RERE: variants seen among roughly 807,000 people sequenced by gnomAD.
RERE encodes arginine-glutamic acid dipeptide repeats protein.
A neutral mutation model predicts 146.1 loss-of-function variants in RERE; 40 were observed. The observed-to-expected ratio is 0.27, with a 90% CI of 0.21 to 0.36. RERE has a LOEUF of 0.36. RERE is among the 10% of genes least tolerant of loss of function. The pLI is 1.00. For synonymous variants in RERE, 1,003 were observed against 866.0 expected (o/e 1.16, Z -2.78); for missense variants, 1,933 against 2,138.7 (o/e 0.90, Z 1.90).
chr1:8,617,372 C>T lies in RERE; in HGVS notation c.397-2686G>A, dbSNP rs1369068463. On this transcript the variant is annotated intron_variant, in intron 3 of 22. Coordinates refer to ENST00000400908, the MANE Select transcript of RERE (RefSeq NM_001042681.2). ...AAAAAAAAAAAGAATTCCATCCTAC[C>T]TCTTAACTCTTAAAGAATTAAACAA... is the stretch of plus-strand genomic sequence containing the variant. Among the ~76,000 whole-genome samples the T allele has an allele frequency of 2.7e-5, 3 of 112,210 alleles. No homozygotes were observed. The South Asian group carries it at 8.0e-4, about 30-fold the overall frequency. The allele number at this position is 112,210 out of a possible 152,430, so 73.6% of individuals were successfully genotyped here.
intron 1 of RERE, among the ~76,000 whole-genome samples, chr1:8,800,365 T>C (rs530745243): frequency 6.6e-6 from 1 of 152,300 alleles, no homozygotes; most frequent in Admixed American, 6.5e-5. Context: ...TTTTATTATT[T>C]AAATGTGTTT....
At chr1:8,404,547 T>C (rs1643384874) in intron 12 of RERE, among the ~76,000 whole-genome samples, 1 of 152,208 alleles carries the variant, frequency 6.6e-6, no homozygotes, top group Non-Finnish European at 1.5e-5. Context: ...TTCGTGAGCC[T>C]GGCCAAAATC....
At chr1:8,612,724 C>T (rs985427446) in intron 4 of RERE, among the ~76,000 whole-genome samples, 1 of 151,990 alleles carries the variant, frequency 6.6e-6, no homozygotes, top group African/African-American at 2.4e-5. Context: ...GAAAGTAAAA[C>T]CTACTTTTTA....
At chr1:8,789,402 CCT>C (rs1253239613) in intron 1 of RERE, among the ~76,000 whole-genome samples, 2 of 148,752 alleles carry the variant, frequency 1.3e-5, no homozygotes, top group Admixed American at 6.8e-5. Context: ...GTGGCTACTA[CCT>C]CTCTTTCCTT....
At chr1:8,730,404 G>A (rs756539437) in intron 1 of RERE, among the ~76,000 whole-genome samples, 5 of 152,074 alleles carry the variant, frequency 3.3e-5, no homozygotes, top group Non-Finnish European at 5.9e-5. Context: ...GTGCAGTGGC[G>A]CGATCTCGGC....
intron 1 of RERE, among the ~76,000 whole-genome samples, chr1:8,746,732 G>C (rs770173483): frequency 6.6e-6 from 1 of 151,020 alleles, no homozygotes; most frequent in Non-Finnish European, 1.5e-5. Flanking sequence ...AGTTATAAGA[G>C]GACACCTGGC....
chr1:8,385,993 A>AAAAAATAT (rs1553159741), intron 12 of RERE, among the ~76,000 whole-genome samples: 2 of 26,480 alleles, frequency 7.6e-5, no homozygotes, highest in Non-Finnish European at 1.4e-4. Context: ...AAAAAAAAAA[A>AAAAAATAT]ATATATATAT....
intron 4 of RERE, among the ~76,000 whole-genome samples, chr1:8,568,626 A>G (rs1646180583): frequency 6.6e-6 from 1 of 152,166 alleles, no homozygotes; most frequent in African/African-American, 2.4e-5. Flanking sequence ...ACATTATGGC[A>G]CAGCACAAAG....
intron 1 of RERE, among the ~76,000 whole-genome samples, chr1:8,742,247 G>A (rs979260937): frequency 1.3e-5 from 2 of 152,124 alleles, no homozygotes; most frequent in Admixed American, 1.3e-4. Context: ...GAGTCATTAT[G>A]CAATGCAAAC....
rs372847629 is a variant in RERE, at chr1:8,361,435, C to T, written c.2072G>A (p.Arg691His). The change falls in exon 18 of 23, where the codon CGC (arginine) becomes CAC (histidine). Residue 691 changes from arginine (R) to histidine (H), a missense_variant. Physicochemically the swap from Arg to His is conservative, Grantham distance 29. Transcript: ENST00000400908. ...SEGEGESSDS[R>H]SVNDEGSSDP... The stretch of plus-strand genomic sequence containing the variant: ...ACTGCTACCCTCATCGTTGACGCTG[C>T]GACTGTCTGAACTCTCTCCCTCACC... 7.1e-5 allele frequency: 115 copies of T among 1,613,600 alleles called. No individual in the cohort carries two copies. Among genetic ancestry groups the T allele is most frequent in the Non-Finnish European group, 8.6e-5 (101 of 1,179,962 alleles).
chr1:8,708,957 G>T (rs569611909), intron 1 of RERE, among the ~76,000 whole-genome samples: 2 of 124,976 alleles, frequency 1.6e-5, no homozygotes, highest in Non-Finnish European at 3.2e-5. Context: ...CTGTCGCCCA[G>T]GTTGGAGTGC....
Position 8,364,634 on chromosome 1 carries a change from T to G in RERE, c.1540+112A>C. On this transcript the variant is annotated intron_variant, in intron 14 of 22. Coordinates refer to ENST00000400908, the MANE Select transcript of RERE (RefSeq NM_001042681.2). The surrounding 1 kb of genome is among the most constrained non-coding windows in gnomAD (Gnocchi z 5.1). Reference sequence around the variant, plus strand: ...CTCGAATCCCGAAGCACAATGCAAATGTCAAATCAAGTACTGTCCCTGGCA... The same window carrying G: ...CTCGAATCCCGAAGCACAATGCAAAGGTCAAATCAAGTACTGTCCCTGGCA... 1.3e-6 allele frequency: 1 copy of G among 765,708 alleles called. No individual in the cohort carries two copies. Among genetic ancestry groups the G allele is most frequent in the Non-Finnish European group, 2.3e-6 (1 of 438,302 alleles). 47.4% of individuals were successfully genotyped at this position (765,708 alleles called of 1,614,324 possible).
intron 11 of RERE, among the ~76,000 whole-genome samples, chr1:8,456,041 T>C (rs1644449348): frequency 6.6e-6 from 1 of 152,118 alleles, no homozygotes; most frequent in Non-Finnish European, 1.5e-5. Context: ...CCTCCAGACA[T>C]TAAGAATAAT....
At chr1:8,696,125 T>C (rs545725074) in intron 1 of RERE, among the ~76,000 whole-genome samples, 5 of 152,294 alleles carry the variant, frequency 3.3e-5, no homozygotes, top group South Asian at 2.1e-4. Context: ...TTATACACTG[T>C]TGGTGGGAAC....
chr1:8,510,143 GA>G lies in RERE; in HGVS notation c.831-1469del, dbSNP rs566328900. 1.7e-3 allele frequency among the ~76,000 whole-genome samples: 262 copies of G among 152,252 alleles called. 1 individual carries two copies. The highest frequency in any genetic ancestry group is 5.1e-3 in the African/African-American group (210 of 41,552). On this transcript the variant is annotated intron_variant, in intron 7 of 22. Coordinates refer to ENST00000400908, the MANE Select transcript of RERE (RefSeq NM_001042681.2). Reference sequence around the variant, plus strand: ...AGAAATGTGGTGGCCCAGTCATCAAGAATCTTACAAGCCTCCAGCTGGCGAG... The same window carrying G: ...AGAAATGTGGTGGCCCAGTCATCAAGATCTTACAAGCCTCCAGCTGGCGAG...
At chr1:8,529,699 A>G (rs1645617555) in intron 7 of RERE, among the ~76,000 whole-genome samples, 1 of 152,046 alleles carries the variant, frequency 6.6e-6, no homozygotes, top group Non-Finnish European at 1.5e-5. Flanking sequence ...CCCAAACAGA[A>G]GTCAATTAAC....
At chr1:8,580,617 C>T (rs781734838) in intron 4 of RERE, among the ~76,000 whole-genome samples, 2 of 152,102 alleles carry the variant, frequency 1.3e-5, no homozygotes, top group Non-Finnish European at 2.9e-5. Flanking sequence ...TTTATAAAGG[C>T]TCAACTCAAA....
At chr1:8,766,843 G>A (rs915802728) in intron 1 of RERE, among the ~76,000 whole-genome samples, 3 of 152,180 alleles carry the variant, frequency 2.0e-5, no homozygotes, top group African/African-American at 7.2e-5. Flanking sequence ...AAGGTTTTAA[G>A]AAGGTTTTGT....
chr1:8,605,845 C>CTTTTTTTTTTTTTTTTTT lies in RERE; in HGVS notation c.522+8715_522+8716insAAAAAAAAAAAAAAAAAA, dbSNP rs60346942. ...ACAAATTTAAGTGTTAAATACCAAA[C>CTTTTTTTTTTTTTTTTTT]TTTTTTTTTTTTTTTTTGAGACAGC... On this transcript the variant is annotated intron_variant, in intron 4 of 22. Coordinates refer to ENST00000400908, the MANE Select transcript of RERE (RefSeq NM_001042681.2). 5.5e-4 allele frequency among the ~76,000 whole-genome samples: 51 copies of CTTTTTTTTTTTTTTTTTT among 93,218 alleles called. 9 individuals carry two copies. Among genetic ancestry groups the CTTTTTTTTTTTTTTTTTT allele is most frequent in the African/African-American group, 2.1e-3 (50 of 23,336 alleles). The allele number at this position is 93,218 out of a possible 152,430, so 61.2% of individuals were successfully genotyped here. A position where few individuals can be genotyped will look rare whatever the true frequency, so the allele number is the denominator to read the frequency against.
Sources: gnomAD v4.1 joint callset for allele counts (sites outside exome capture counted in the v4.1 genomes callset) on GRCh38, gnomAD v4.1.1 for gene constraint, Gnocchi (gnomAD v3.1) non-coding constraint, MANE v1.5 for transcripts, NCBI Gene and HGNC (gene_info 2026-07-23, HGNC 2026-07-21) for gene names.